Variants in AIG1 observed in about 807,000 individuals in gnomAD.
AIG1 encodes the protein androgen-induced gene 1 protein.
A neutral mutation model predicts 31.4 loss-of-function variants in AIG1; 23 were observed. The ratio of observed to expected loss-of-function variants is 0.73; its 90% CI spans 0.53 to 1.04. The LOEUF (loss-of-function observed/expected upper bound fraction) is 1.04, where lower values mean the gene tolerates loss of function less well. AIG1 is among the 50% of genes least tolerant of loss of function. The pLI, the probability that AIG1 is intolerant of heterozygous loss-of-function variation, is 0.00. For missense variants in AIG1, 274 were observed against 295.0 expected (o/e 0.93, Z 0.52); for synonymous variants, 100 against 110.5 (o/e 0.90, Z 0.60).
intron 1 of AIG1, among the ~76,000 whole-genome samples, chr6:143,110,527 G>T (rs1317269533): frequency 1.3e-5 from 2 of 152,278 alleles, no homozygotes; most frequent in African/African-American, 2.4e-5. Flanking sequence ...TCGTTCACTG[G>T]CTTTATTCCT....
At chr6:143,262,425 C>T (rs965295346) in intron 3 of AIG1, among the ~76,000 whole-genome samples, 4 of 152,086 alleles carry the variant, frequency 2.6e-5, no homozygotes, top group South Asian at 2.1e-4. Context: ...AGCTGGAAAA[C>T]GAGAACTCCC....
intron 3 of AIG1, among the ~76,000 whole-genome samples, chr6:143,232,449 A>G (rs1475093965): frequency 2.0e-5 from 3 of 152,210 alleles, no homozygotes; most frequent in East Asian, 1.9e-4. Context: ...GCAGTACACC[A>G]TCACCAAATG....
intron 3 of AIG1, among the ~76,000 whole-genome samples, chr6:143,259,794 G>A (rs1417404116): frequency 6.6e-6 from 1 of 152,142 alleles, no homozygotes; most frequent in East Asian, 1.9e-4. Context: ...CAATTAGTTG[G>A]GCAGTGGATA....
intron 3 of AIG1, among the ~76,000 whole-genome samples, chr6:143,254,278 G>A (rs981193593): frequency 2.6e-5 from 4 of 152,192 alleles, no homozygotes; most frequent in African/African-American, 9.7e-5. Flanking sequence ...TTGTACTGAA[G>A]CTTTCTGTAA....
At chr6:143,180,692 T>G (rs940295304) in intron 3 of AIG1, among the ~76,000 whole-genome samples, 5 of 152,206 alleles carry the variant, frequency 3.3e-5, no homozygotes, top group South Asian at 2.1e-4. Flanking sequence ...GATATTATTA[T>G]TATTACCAAA....
chr6:143,247,198 C>A (rs1794680875), intron 3 of AIG1, among the ~76,000 whole-genome samples: 1 of 152,162 alleles, frequency 6.6e-6, no homozygotes, highest in Non-Finnish European at 1.5e-5. Flanking sequence ...ATGGCACAAT[C>A]TTGGCTCACC....
At chr6:143,062,830 T>C (rs1238422646) in intron 1 of AIG1, among the ~76,000 whole-genome samples, 2 of 152,198 alleles carry the variant, frequency 1.3e-5, no homozygotes, top group Non-Finnish European at 2.9e-5. Context: ...GCAAAACTCC[T>C]TTTGGGACAC....
intron 4 of AIG1, among the ~76,000 whole-genome samples, chr6:143,309,742 A>G (rs1224675844): frequency 1.3e-5 from 2 of 152,070 alleles, no homozygotes; most frequent in Non-Finnish European, 2.9e-5. Flanking sequence ...AATATTATAC[A>G]TGTTTCTACA....
At chr6:143,186,752 AC>A (rs1305819584) in intron 3 of AIG1, 1 of 152,646 alleles carries the variant, frequency 6.6e-6, no homozygotes, top group Non-Finnish European at 1.5e-5. Context: ...GAACCGGATA[AC>A]CTTTCGAGTT....
At chr6:143,267,289 C>T (rs1796222253) in intron 3 of AIG1, among the ~76,000 whole-genome samples, 1 of 152,206 alleles carries the variant, frequency 6.6e-6, no homozygotes, top group African/African-American at 2.4e-5. Flanking sequence ...TGCTATTCTT[C>T]ATGCATCCTA....
At chr6:143,071,938 C>T (rs995062186) in intron 1 of AIG1, among the ~76,000 whole-genome samples, 1 of 151,576 alleles carries the variant, frequency 6.6e-6, no homozygotes, top group Non-Finnish European at 1.5e-5. Context: ...CATGTGCCAC[C>T]GTGCCCAGAT....
chr6:143,324,673 A>G (rs938072219), intron 4 of AIG1, among the ~76,000 whole-genome samples: 2 of 152,216 alleles, frequency 1.3e-5, no homozygotes, highest in African/African-American at 4.8e-5. Flanking sequence ...GCTCATATAA[A>G]GCCTTTAGCA....
At chr6:143,111,345 C>T (rs892440094) in intron 1 of AIG1, among the ~76,000 whole-genome samples, 1 of 152,230 alleles carries the variant, frequency 6.6e-6, no homozygotes, top group African/African-American at 2.4e-5. Flanking sequence ...TCTTCAAGTT[C>T]TTTCGACATT....
Position 143,279,756 on chromosome 6 carries a change from G to T in AIG1, c.400-4354G>T, listed in dbSNP as rs772515220. Among the ~76,000 whole-genome samples, 1 of 152,088 alleles carries T rather than the reference G, an allele frequency of 6.6e-6. No homozygotes were observed. The highest frequency in any genetic ancestry group is 2.4e-5 in the African/African-American group (1 of 41,410). Reference sequence around the variant, plus strand: ...ATGCAATAAATCAGGATAGATTTAGGCTTCGTTTTTTGGACACAATCTTCC... The same window carrying T: ...ATGCAATAAATCAGGATAGATTTAGTCTTCGTTTTTTGGACACAATCTTCC... On this transcript the variant is annotated intron_variant, in intron 3 of 5. Coordinates refer to ENST00000357847, the MANE Select transcript of AIG1 (RefSeq NM_016108.4). This position sits in a 1 kb window ranked among gnomAD's most constrained non-coding sequence, Gnocchi z 5.4.
chr6:143,159,277 C>T (rs766548568), intron 2 of AIG1, among the ~76,000 whole-genome samples: 10 of 152,136 alleles, frequency 6.6e-5, no homozygotes, highest in Admixed American at 3.9e-4. Flanking sequence ...TGGCACAGGC[C>T]GAGGTTGGAG....
intron 3 of AIG1, among the ~76,000 whole-genome samples, chr6:143,276,273 A>G (rs1292077952): frequency 6.6e-6 from 1 of 152,186 alleles, no homozygotes; most frequent in East Asian, 1.9e-4. Flanking sequence ...ACCATATCCT[A>G]AGAGTTGTTG....
downstream of AIG1, among the ~76,000 whole-genome samples, chr6:143,341,537 A>C (rs1482327397): frequency 6.6e-6 from 1 of 152,172 alleles, no homozygotes; most frequent in East Asian, 1.9e-4. Flanking sequence ...AAAAGGGGGA[A>C]TTAGGACACA....
rs184687405 is a variant in AIG1, at chr6:143,199,368, G to A, written c.399+34185G>A. Among the ~76,000 whole-genome samples, 182 of 152,106 alleles carry A rather than the reference G, an allele frequency of 1.2e-3. 3 individuals are homozygous for A. The highest frequency in any genetic ancestry group is 5.9e-5 in the Non-Finnish European group (4 of 68,006). ...TTAAAATACTCAAGCAAAAGATGGG[G>A]GGGTGATGAATAGTTGAAATTAAAT... On this transcript the variant is annotated intron_variant, in intron 3 of 5. Coordinates refer to ENST00000357847, the MANE Select transcript of AIG1 (RefSeq NM_016108.4).
chr6:143,225,458 C>A (rs1293332909), intron 3 of AIG1, among the ~76,000 whole-genome samples: 1 of 152,114 alleles, frequency 6.6e-6, no homozygotes, highest in Non-Finnish European at 1.5e-5. Context: ...TTAAATACTG[C>A]CATTGCTTTA....
Sources: gnomAD v4.1 joint callset for allele counts (sites outside exome capture counted in the v4.1 genomes callset) on GRCh38, gnomAD v4.1.1 for gene constraint, Gnocchi (gnomAD v3.1) non-coding constraint, MANE v1.5 for transcripts, NCBI Gene and HGNC (gene_info 2026-07-23, HGNC 2026-07-21) for gene names.